The following CLYBL variants were observed in gnomAD, a reference collection of about 807,000 sequenced individuals.
CLYBL encodes the protein citramalyl-CoA lyase, also known as citramalyl-CoA lyase, mitochondrial.
In CLYBL, 31 loss-of-function variants were observed where a neutral mutation model predicts 38.9. The ratio of observed to expected loss-of-function variants is 0.80; its 90% CI spans 0.60 to 1.08. The LOEUF (loss-of-function observed/expected upper bound fraction) is 1.08. CLYBL is among the 50% of genes least tolerant of loss of function. CLYBL has a pLI of 0.00. For missense variants in CLYBL, 434 were observed against 411.6 expected (o/e 1.05, Z -0.47); for synonymous variants, 171 against 158.6 (o/e 1.08, Z -0.59).
chr13:99,663,768 G>A (rs538387807), intron 1 of CLYBL, among the ~76,000 whole-genome samples: 2 of 152,112 alleles, frequency 1.3e-5, no homozygotes, highest in Non-Finnish European at 2.9e-5. Context: ...GAGCTGCTGC[G>A]TCCTCACTAA....
intron 2 of CLYBL, among the ~76,000 whole-genome samples, chr13:99,818,865 A>G (rs1327456762): frequency 6.6e-6 from 1 of 152,180 alleles, no homozygotes. Context: ...AGTCTTCATA[A>G]TTATAAATGT....
chr13:99,794,088 A>G (rs539983352), intron 2 of CLYBL, among the ~76,000 whole-genome samples: 2 of 152,234 alleles, frequency 1.3e-5, no homozygotes, highest in Admixed American at 1.3e-4. Context: ...TTACAAAATA[A>G]ATTTAAGAGG....
downstream of CLYBL, chr13:99,893,119 T>C (rs530996229): frequency 1.3e-5 from 2 of 152,322 alleles, no homozygotes; most frequent in Non-Finnish European, 2.9e-5. Context: ...CCCTCCACAC[T>C]GGCCACGCTG....
chr13:99,875,880 G>A (rs1257418844), intron 7 of CLYBL, among the ~76,000 whole-genome samples: 1 of 152,022 alleles, frequency 6.6e-6, no homozygotes, highest in Non-Finnish European at 1.5e-5. Flanking sequence ...TTATTTCCCT[G>A]CTCATTTAAC....
intron 1 of CLYBL, among the ~76,000 whole-genome samples, chr13:99,734,837 G>A (rs2048642469): frequency 6.6e-6 from 1 of 152,090 alleles, no homozygotes; most frequent in Non-Finnish European, 1.5e-5. Context: ...CCCCCCAAAA[G>A]ATTTCCGTTC....
At chr13:99,828,041 C>T (rs1169691817) in intron 2 of CLYBL, among the ~76,000 whole-genome samples, 1 of 152,160 alleles carries the variant, frequency 6.6e-6, no homozygotes. Flanking sequence ...TGAGGGGTGC[C>T]CTTCTGGGGA....
At chr13:99,617,655 GT>G (rs35846449) in intron 1 of CLYBL, among the ~76,000 whole-genome samples, 46,525 of 152,102 alleles carry the variant, frequency 0.31, 8,478 homozygotes, top group Non-Finnish European at 0.41. Flanking sequence ...AGATGTAAGA[GT>G]TTTTTCTGTT....
intron 1 of CLYBL, among the ~76,000 whole-genome samples, chr13:99,635,178 A>AC (rs1280570043): frequency 6.6e-6 from 1 of 151,902 alleles, no homozygotes; most frequent in Admixed American, 6.5e-5. Flanking sequence ...CTTGTTAATG[A>AC]CCCCAGGTAC....
chr13:99,866,943 C>T (rs891218562), intron 6 of CLYBL, among the ~76,000 whole-genome samples: 3 of 152,180 alleles, frequency 2.0e-5, no homozygotes, highest in South Asian at 2.1e-4. Flanking sequence ...GCGACACCTA[C>T]GGGCATAGGC....
At chr13:99,786,453 G>A (rs1024198203) in intron 2 of CLYBL, among the ~76,000 whole-genome samples, 2 of 151,926 alleles carry the variant, frequency 1.3e-5, no homozygotes, top group South Asian at 4.1e-4. Flanking sequence ...GAGAACATGC[G>A]GTGTTTGGTT....
chr13:99,606,772 C>T lies in CLYBL; in HGVS notation c.62+15C>T, dbSNP rs754277391. 4.4e-4 allele frequency: 614 copies of T among 1,407,732 alleles called. No individual in the cohort carries two copies. The highest frequency in any genetic ancestry group is 5.0e-4 in the Non-Finnish European group (541 of 1,084,186). 87.2% of individuals were successfully genotyped at this position (1,407,732 alleles called of 1,614,324 possible). A position where few individuals can be genotyped will look rare whatever the true frequency, so the allele number is the denominator to read the frequency against. Reference sequence around the variant, plus strand: ...CTGCTGAGGCTGTGAGTGCAGGTCCCCGTTCCCCGCCTTCCCGGCCCGGCT... The same window carrying T: ...CTGCTGAGGCTGTGAGTGCAGGTCCTCGTTCCCCGCCTTCCCGGCCCGGCT... On this transcript the variant is annotated intron_variant, in intron 1 of 8. Coordinates refer to ENST00000339105, the MANE Select transcript of CLYBL (RefSeq NM_206808.5).
chr13:99,681,424 T>C (rs2047732933), intron 1 of CLYBL, among the ~76,000 whole-genome samples: 1 of 152,152 alleles, frequency 6.6e-6, no homozygotes, highest in African/African-American at 2.4e-5. Flanking sequence ...GCATATATTA[T>C]GCATATCTAC....
downstream of CLYBL, among the ~76,000 whole-genome samples, chr13:99,899,092 C>G (rs2052614233): frequency 6.6e-6 from 1 of 152,246 alleles, no homozygotes; most frequent in Non-Finnish European, 1.5e-5. Context: ...ACATCAGTCT[C>G]TTCAGCTACC....
intron 2 of CLYBL, among the ~76,000 whole-genome samples, chr13:99,855,391 C>T (rs2051435843): frequency 6.6e-6 from 1 of 152,166 alleles, no homozygotes; most frequent in Non-Finnish European, 1.5e-5. Context: ...AGCAGGTCAC[C>T]CTGAGAGCCC....
At chr13:99,793,115 G>A (rs1428078647) in intron 2 of CLYBL, among the ~76,000 whole-genome samples, 2 of 151,016 alleles carry the variant, frequency 1.3e-5, no homozygotes, top group Non-Finnish European at 1.5e-5. Context: ...TAGACACACC[G>A]TACACATACA....
intron 1 of CLYBL, among the ~76,000 whole-genome samples, chr13:99,640,065 A>G (rs1245430777): frequency 6.6e-6 from 1 of 152,244 alleles, no homozygotes; most frequent in Non-Finnish European, 1.5e-5. Flanking sequence ...CTTTAATTAA[A>G]CAGAATAATC....
At chr13:99,733,284 A>AC (rs1491228754) in intron 1 of CLYBL, among the ~76,000 whole-genome samples, 1 of 151,868 alleles carries the variant, frequency 6.6e-6, no homozygotes, top group African/African-American at 2.4e-5. Context: ...AAAAAAAAAA[A>AC]CAAACTGTAA....
At chr13:99,838,484 C>T (rs2050991138) in intron 2 of CLYBL, among the ~76,000 whole-genome samples, 1 of 151,848 alleles carries the variant, frequency 6.6e-6, no homozygotes, top group African/African-American at 2.4e-5. Context: ...AGAAATGCCA[C>T]CGTGTGTGGC....
At chr13:99,773,781 G>A (rs2049452370) in intron 2 of CLYBL, among the ~76,000 whole-genome samples, 1 of 152,074 alleles carries the variant, frequency 6.6e-6, no homozygotes. Flanking sequence ...TCTCTTCTGG[G>A]ATACGTGTCA....
Sources: allele counts gnomAD v4.1 joint callset (sites outside exome capture counted in the v4.1 genomes callset), GRCh38; gene constraint gnomAD v4.1.1; transcripts MANE v1.5; gene names NCBI Gene and HGNC (gene_info 2026-07-23, HGNC 2026-07-21).